Variants in ADCY8 observed in about 807,000 individuals in gnomAD.
ADCY8 encodes the protein adenylate cyclase 8, also known as adenylate cyclase type 8.
A neutral mutation model predicts 119.7 loss-of-function variants in ADCY8; 51 were observed. The observed-to-expected ratio is 0.43, with a 90% confidence interval of 0.34 to 0.54. The LOEUF is 0.54. ADCY8 is among the 20% of genes least tolerant of loss of function. The pLI is 0.03. For synonymous variants in ADCY8, 665 were observed against 651.0 expected (o/e 1.02, Z -0.33); for missense variants, 1,383 against 1,598.8 (o/e 0.87, Z 2.30).
At chr8:130,861,816 TGGG>T (rs1817939550) in intron 9 of ADCY8, among the ~76,000 whole-genome samples, 1 of 152,084 alleles carries the variant, frequency 6.6e-6, no homozygotes, top group Non-Finnish European at 1.5e-5. Flanking sequence ...CTTTTTTTTT[TGGG>T]AGATATTCTT....
chr8:130,955,229 T>C (rs964613641), intron 2 of ADCY8, among the ~76,000 whole-genome samples: 11 of 152,198 alleles, frequency 7.2e-5, no homozygotes, highest in African/African-American at 2.7e-4. Context: ...GGCCAGGGAC[T>C]GAGTTAAGAG....
At chr8:130,807,781 G>A (rs866325795) in intron 14 of ADCY8, among the ~76,000 whole-genome samples, 14 of 151,504 alleles carry the variant, frequency 9.2e-5, no homozygotes, top group African/African-American at 2.4e-4. Flanking sequence ...TCAGGAGATC[G>A]AGACCATCCC....
At chr8:130,934,989 G>C (rs761879075) in intron 5 of ADCY8, among the ~76,000 whole-genome samples, 1 of 152,144 alleles carries the variant, frequency 6.6e-6, no homozygotes, top group South Asian at 2.1e-4. Context: ...CTCTGAAATT[G>C]TTACTCAAAA....
At chr8:130,978,579 G>A (rs1431769898) in intron 2 of ADCY8, among the ~76,000 whole-genome samples, 2 of 152,122 alleles carry the variant, frequency 1.3e-5, no homozygotes, top group African/African-American at 4.8e-5. Context: ...GATATTATAG[G>A]GGGAAAATCA....
intron 15 of ADCY8, among the ~76,000 whole-genome samples, chr8:130,785,865 T>C (rs1815234330): frequency 1.3e-5 from 2 of 152,170 alleles, no homozygotes; most frequent in East Asian, 3.8e-4. Flanking sequence ...CTCACTCTGC[T>C]CCAGCTGCAC....
At chr8:130,853,329 A>G (rs1029472170) in intron 9 of ADCY8, among the ~76,000 whole-genome samples, 1 of 152,226 alleles carries the variant, frequency 6.6e-6, no homozygotes, top group Non-Finnish European at 1.5e-5. Context: ...CTGGCCACAG[A>G]TGGCACCGTC....
Position 130,780,423 on chromosome 8 carries a change from C to T in ADCY8, c.3723G>A (p.Gln1241=). 1.3e-6 allele frequency: 2 copies of T among 1,597,452 alleles called. No homozygotes were observed. Among genetic ancestry groups the T allele is most frequent in the Non-Finnish European group, 1.7e-6 (2 of 1,170,918 alleles). Residue 1241 remains glutamine, a synonymous_variant, in exon 18 of 18, where the codon CAG becomes CAA. Transcript: ENST00000286355. ...AATCAGATTTGTCGGTGCCTTCAGC[C>T]TGGGCTCCAGGCTCTGTGCCGCTGG... ...LSPSGTEPGA[Q]AEGTDKSDLP is the part of the protein sequence containing the mutation.
intron 9 of ADCY8, among the ~76,000 whole-genome samples, chr8:130,866,721 T>C (rs1408889087): frequency 1.3e-5 from 2 of 152,178 alleles, no homozygotes; most frequent in African/African-American, 4.8e-5. Flanking sequence ...AAGCACAGAC[T>C]TGGTCTCTGG....
intron 13 of ADCY8, among the ~76,000 whole-genome samples, chr8:130,816,554 T>G (rs1176600617): frequency 6.6e-6 from 1 of 150,610 alleles, no homozygotes; most frequent in South Asian, 2.1e-4. Context: ...GCCCCCCGAG[T>G]AGCTGGGATC....
At chr8:130,884,483 C>A (rs1013349630) in intron 8 of ADCY8, 81 bp downstream of exon 8, 2 of 1,459,138 alleles carry the variant, frequency 1.4e-6, no homozygotes, top group Non-Finnish European at 1.9e-6. Flanking sequence ...AAAACCACAG[C>A]CCCTGGGCTC....
intron 14 of ADCY8, among the ~76,000 whole-genome samples, chr8:130,807,430 A>G (rs980356494): frequency 6.6e-6 from 1 of 152,218 alleles, no homozygotes; most frequent in African/African-American, 2.4e-5. Context: ...CCAGTGGGAT[A>G]GTATTAAGAG....
chr8:130,813,336 T>C (rs1333628328), intron 14 of ADCY8, among the ~76,000 whole-genome samples: 1 of 152,210 alleles, frequency 6.6e-6, no homozygotes, highest in Non-Finnish European at 1.5e-5. Context: ...TCTGGAACTC[T>C]TGTGATCTTG....
At chr8:131,035,229 AAG>A (rs1465930939) in intron 1 of ADCY8, among the ~76,000 whole-genome samples, 4 of 152,136 alleles carry the variant, frequency 2.6e-5, no homozygotes, top group Non-Finnish European at 5.9e-5. Flanking sequence ...TTTCATAAGA[AAG>A]AAACGATTGT....
chr8:130,810,395 G>A lies in ADCY8; in HGVS notation c.2913+3674C>T, dbSNP rs551177693. 3.0e-3 allele frequency among the ~76,000 whole-genome samples: 412 copies of A among 135,908 alleles called. 2 individuals are homozygous for A. The highest frequency in any genetic ancestry group is 0.011 in the African/African-American group (388 of 36,484). 89.2% of individuals were successfully genotyped at this position (135,908 alleles called of 152,430 possible). ...ACACACACACACACACACTAGTCTTGCCATACTCCAGAGGTGGTATGGGTA... is the reference window on the plus strand; with the variant it reads ...ACACACACACACACACACTAGTCTTACCATACTCCAGAGGTGGTATGGGTA... On this transcript the variant is annotated intron_variant, in intron 14 of 17. Coordinates refer to ENST00000286355, the MANE Select transcript of ADCY8 (RefSeq NM_001115.3).
At chr8:130,843,648 A>G (rs987021164) in intron 11 of ADCY8, among the ~76,000 whole-genome samples, 25 of 152,194 alleles carry the variant, frequency 1.6e-4, no homozygotes, top group African/African-American at 6.0e-4. Flanking sequence ...GTTATTTCAG[A>G]TGGAAAGGTA....
chr8:130,913,890 C>T (rs1049133163), intron 5 of ADCY8, among the ~76,000 whole-genome samples: 13 of 152,146 alleles, frequency 8.5e-5, no homozygotes, highest in African/African-American at 2.9e-4. Context: ...CCATCACTGA[C>T]TGGCAACATG....
At chr8:130,937,795 A>G (rs60561065) in intron 4 of ADCY8, among the ~76,000 whole-genome samples, 1,827 of 152,304 alleles carry the variant, frequency 0.012, 40 homozygotes, top group African/African-American at 0.042. Context: ...GGGCACCTAT[A>G]ATAAGGCAAA....
At chr8:130,828,291 C>T (rs538469979) in intron 12 of ADCY8, among the ~76,000 whole-genome samples, 12 of 152,314 alleles carry the variant, frequency 7.9e-5, no homozygotes, top group Admixed American at 4.6e-4. Context: ...AGGCATATAG[C>T]TCAAGGGAAG....
At chr8:130,958,119 A>C (rs7460718) in intron 2 of ADCY8, among the ~76,000 whole-genome samples, 119,261 of 152,056 alleles carry the variant, frequency 0.78, 50,162 homozygotes, top group East Asian at 0.95. Flanking sequence ...TTGGGTTACG[A>C]CATGTGGGAA....
Sources: allele counts gnomAD v4.1 joint callset (sites outside exome capture counted in the v4.1 genomes callset), GRCh38; gene constraint gnomAD v4.1.1; transcripts MANE v1.5; gene names NCBI Gene and HGNC (gene_info 2026-07-23, HGNC 2026-07-21).